LRFN5: variants seen among roughly 807,000 people sequenced by gnomAD.
The protein encoded by LRFN5 is leucine-rich repeat and fibronectin type-III domain-containing protein 5.
In LRFN5, 24 loss-of-function variants were observed where a neutral mutation model predicts 45.6. That is an observed-to-expected ratio of 0.53 (90% confidence interval 0.38 to 0.74). LRFN5 has a LOEUF of 0.74. Ranked by LOEUF, LRFN5 falls within the 30% of genes least tolerant of loss-of-function variation. The pLI is 0.00. For missense variants in LRFN5, 776 were observed against 861.5 expected, an observed-to-expected ratio of 0.90 and a Z score of 1.24; for synonymous variants, 340 against 313.8, an observed-to-expected ratio of 1.08 and a Z score of -0.88.
At chr14:41,836,892 C>CA (rs1469601245) in intron 2 of LRFN5, among the ~76,000 whole-genome samples, 2 of 152,032 alleles carry the variant, frequency 1.3e-5, no homozygotes, top group African/African-American at 4.8e-5. Flanking sequence ...AAGATAGTAG[C>CA]AGCAGGACAC....
At chr14:41,660,215 G>A (rs1399645335) in intron 1 of LRFN5, among the ~76,000 whole-genome samples, 1 of 151,894 alleles carries the variant, frequency 6.6e-6, no homozygotes, top group African/African-American at 2.4e-5. Flanking sequence ...TAATAGTGAG[G>A]AGGTTTCTTC....
intron 2 of LRFN5, among the ~76,000 whole-genome samples, chr14:41,838,214 T>C (rs1888731389): frequency 6.6e-6 from 1 of 152,222 alleles, no homozygotes; most frequent in African/African-American, 2.4e-5. Context: ...TCTGACATAT[T>C]ATTTTTCTCC....
intron 4 of LRFN5, chr14:41,892,838 T>C: frequency 1.0e-6 from 1 of 985,336 alleles, no homozygotes; most frequent in Non-Finnish European, 1.2e-6. Context: ...CAAATTCCTA[T>C]GCATCTACAT....
At chr14:41,786,409 T>C (rs2138931908) in intron 2 of LRFN5, among the ~76,000 whole-genome samples, 2 of 152,164 alleles carry the variant, frequency 1.3e-5, no homozygotes, top group East Asian at 3.9e-4. Flanking sequence ...TTTCTTTCAG[T>C]ACTTTAAAGA....
chr14:41,888,754 A>G (rs1438744035), intron 3 of LRFN5, among the ~76,000 whole-genome samples: 1 of 152,138 alleles, frequency 6.6e-6, no homozygotes, highest in Non-Finnish European at 1.5e-5. Context: ...GTAATATCCA[A>G]GTAAGGATGA....
intron 1 of LRFN5, among the ~76,000 whole-genome samples, chr14:41,665,082 A>G (rs565325557): frequency 6.6e-6 from 1 of 152,200 alleles, no homozygotes; most frequent in African/African-American, 2.4e-5. Context: ...ATCCAAGACT[A>G]GAAAACTTGA....
chr14:41,607,572 TTGAC>T lies in LRFN5; in HGVS notation c.-1184_-1181del, dbSNP rs1160780551. 1 of 152,098 alleles carries T rather than the reference TTGAC, an allele frequency of 6.6e-6. No individual in the cohort carries two copies. The highest frequency in any genetic ancestry group is 1.5e-5 in the Non-Finnish European group (1 of 68,038). 9.4% of individuals were successfully genotyped at this position (152,098 alleles called of 1,614,324 possible). Reference sequence around the variant, plus strand: ...GTACGCGCGCGCCTATCTGATGCATTTGACTGTCTTTTATCCAACTGCCCAGAAG... The same window carrying T: ...GTACGCGCGCGCCTATCTGATGCATTTGTCTTTTATCCAACTGCCCAGAAG... On this transcript the variant is annotated 5_prime_UTR_variant, in exon 1 of 6. The change abolishes the stop of an existing upstream ORF in the 5' untranslated region. Transcript: ENST00000298119.
chr14:41,806,817 A>C (rs776115550), intron 2 of LRFN5, among the ~76,000 whole-genome samples: 1 of 152,176 alleles, frequency 6.6e-6, no homozygotes, highest in Non-Finnish European at 1.5e-5. Flanking sequence ...CTCACTGATG[A>C]AGACGTCTCA....
At chr14:41,838,546 T>A (rs553927797) in intron 2 of LRFN5, among the ~76,000 whole-genome samples, 1 of 152,326 alleles carries the variant, frequency 6.6e-6, no homozygotes, top group South Asian at 2.1e-4. Context: ...ACAATATGTT[T>A]ATCATCTTCC....
intron 1 of LRFN5, among the ~76,000 whole-genome samples, chr14:41,617,352 C>T (rs532446227): frequency 6.6e-6 from 1 of 152,156 alleles, no homozygotes; most frequent in Admixed American, 6.5e-5. Flanking sequence ...AATTTGCTTG[C>T]CCATGATTAT....
chr14:41,818,303 G>T (rs1034235927), intron 2 of LRFN5, among the ~76,000 whole-genome samples: 14 of 151,406 alleles, frequency 9.2e-5, no homozygotes, highest in Non-Finnish European at 1.5e-4. Flanking sequence ...TTTCCAGTTT[G>T]CTTTTTATAT....
At chr14:41,834,766 G>C (rs1888603743) in intron 2 of LRFN5, among the ~76,000 whole-genome samples, 3 of 151,960 alleles carry the variant, frequency 2.0e-5, no homozygotes, top group African/African-American at 7.3e-5. Flanking sequence ...GGGCTCAAGT[G>C]ATCCTCCCAC....
chr14:41,647,570 G>C (rs1418355211), intron 1 of LRFN5, among the ~76,000 whole-genome samples: 1 of 152,162 alleles, frequency 6.6e-6, no homozygotes, highest in African/African-American at 2.4e-5. Flanking sequence ...AGTGGAGGAA[G>C]GGGTTAGGTT....
intron 2 of LRFN5, among the ~76,000 whole-genome samples, chr14:41,870,547 T>G (rs747835635): frequency 1.3e-5 from 2 of 152,096 alleles, no homozygotes; most frequent in Non-Finnish European, 2.9e-5. Flanking sequence ...CCATCAGGTT[T>G]CTTGAGACTT....
chr14:41,637,194 G>T (rs1258704583), intron 1 of LRFN5, among the ~76,000 whole-genome samples: 1 of 152,112 alleles, frequency 6.6e-6, no homozygotes, highest in Non-Finnish European at 1.5e-5. Flanking sequence ...GTCACCCAGA[G>T]AACTGTTCTG....
intron 2 of LRFN5, among the ~76,000 whole-genome samples, chr14:41,878,176 A>G (rs1157634729): frequency 1.3e-5 from 2 of 152,184 alleles, no homozygotes; most frequent in Admixed American, 1.3e-4. Context: ...TTTCTAAGCT[A>G]TATTATAAAA....
At chr14:41,721,546 T>C (rs572408707) in intron 1 of LRFN5, among the ~76,000 whole-genome samples, 1 of 152,306 alleles carries the variant, frequency 6.6e-6, no homozygotes, top group African/African-American at 2.4e-5. Flanking sequence ...CTTAAGAATC[T>C]TCTTTAAGGC....
At chr14:41,794,305 C>T (rs937500251) in intron 2 of LRFN5, among the ~76,000 whole-genome samples, 2 of 151,990 alleles carry the variant, frequency 1.3e-5, no homozygotes, top group East Asian at 3.9e-4. Flanking sequence ...TAATTCAATA[C>T]ATTCTATGCC....
chr14:41,617,470 G>A (rs1481103310), intron 1 of LRFN5, among the ~76,000 whole-genome samples: 1 of 151,952 alleles, frequency 6.6e-6, no homozygotes, highest in African/African-American at 2.4e-5. Context: ...GCTTATGGCT[G>A]TTTTCCATTG....
Sources: gnomAD v4.1 joint callset for allele counts (sites outside exome capture counted in the v4.1 genomes callset) on GRCh38, gnomAD v4.1.1 for gene constraint, MANE v1.5 for transcripts, NCBI Gene and HGNC (gene_info 2026-07-23, HGNC 2026-07-21) for gene names.